The following MYOM2 variants were observed in gnomAD, a reference collection of about 807,000 sequenced individuals.
MYOM2 encodes myomesin 2.
MYOM2 carries 254 observed loss-of-function variants against 187.6 expected under a neutral mutation model. The ratio of observed to expected loss-of-function variants is 1.35; its 90% CI spans 1.22 to 1.50. MYOM2 has a LOEUF of 1.50. Among genes scored for constraint, MYOM2 ranks in the 40% most tolerant of loss-of-function variants. The pLI is 0.00. For synonymous variants in MYOM2, 981 were observed against 753.8 expected, an observed-to-expected ratio of 1.30 and a Z score of -4.94; for missense variants, 2,796 against 1,924.0, an observed-to-expected ratio of 1.45 and a Z score of -8.48.
At chr8:2,141,504 G>A (rs1798272383) in intron 34 of MYOM2, among the ~76,000 whole-genome samples, 1 of 152,348 alleles carries the variant, frequency 6.6e-6, no homozygotes, top group East Asian at 1.9e-4. Context: ...ATAAACCTGA[G>A]TGGGGCTTTT....
At position 2,092,200 on chromosome 8, in the gene MYOM2, C is replaced by G; in HGVS notation, c.1829-146C>G. The G allele has an allele frequency of 2.1e-6, 2 of 959,216 alleles. 1 individual carries two copies. Among genetic ancestry groups the G allele is most frequent in the East Asian group, 4.8e-5 (2 of 41,504 alleles). The allele number at this position is 959,216 out of a possible 1,614,324, so 59.4% of individuals were successfully genotyped here. On this transcript the variant is annotated intron_variant, in intron 15 of 36. Coordinates refer to ENST00000262113, the MANE Select transcript of MYOM2 (RefSeq NM_003970.4). ...CTCGGGTGGTCGGCCCGGGGCTCCT[C>G]TCCTACTCCTGGACCCCTTGTCTGA...
At chr8:2,099,963 A>G (rs1195328727) in intron 19 of MYOM2, among the ~76,000 whole-genome samples, 1 of 152,120 alleles carries the variant, frequency 6.6e-6, no homozygotes, top group African/African-American at 2.4e-5. Context: ...AAGCCAGATG[A>G]ATAAGCCAAT....
chr8:2,109,647 G>A (rs1167203012), intron 25 of MYOM2, 116 bp downstream of exon 25: 2 of 1,165,760 alleles, frequency 1.7e-6, no homozygotes, highest in Non-Finnish European at 1.2e-6. Flanking sequence ...GAGCCTTAAA[G>A]ATTGGGGCAT....
At chr8:2,142,126 T>A (rs1161041489) in intron 34 of MYOM2, among the ~76,000 whole-genome samples, 3 of 152,256 alleles carry the variant, frequency 2.0e-5, no homozygotes, top group East Asian at 1.9e-4. Context: ...GCTAAACTTT[T>A]CTGTGGGTTT....
intron 31 of MYOM2, chr8:2,127,791 C>CGGTGGCG (rs1462940334): frequency 1.3e-4 from 21 of 158,530 alleles, no homozygotes; most frequent in African/African-American, 1.9e-4. Flanking sequence ...CGGCGTGACG[C>CGGTGGCG]CATGACGCAG....
chr8:2,142,472 C>G (rs1188917370), intron 35 of MYOM2, 75 bp downstream of exon 35: 3 of 1,453,068 alleles, frequency 2.1e-6, no homozygotes, highest in Admixed American at 1.7e-5. Context: ...TTTTGGAGGA[C>G]CAACTTTGTG....
intron 32 of MYOM2, among the ~76,000 whole-genome samples, chr8:2,138,454 T>G (rs1424850587): frequency 6.6e-6 from 1 of 152,200 alleles, no homozygotes; most frequent in African/African-American, 2.4e-5. Context: ...ACTGAGAGAT[T>G]CCTGAAGGAT....
chr8:2,113,458 A>C (rs1416438992), intron 25 of MYOM2, among the ~76,000 whole-genome samples: 1 of 152,172 alleles, frequency 6.6e-6, no homozygotes, highest in East Asian at 1.9e-4. Context: ...TCTACCCCAG[A>C]TGCTGCCTGG....
In MYOM2 at chr8:2,117,938, C is replaced by T. The variant is rs138045217; in HGVS notation, c.3439C>T (p.Arg1147Ter). The change falls in exon 28 of 37, where the codon CGA (arginine) becomes TGA (stop). Residue 1147 changes from arginine (R) to a stop codon, truncating the protein, a stop_gained. Transcript: ENST00000262113. LOFTEE classifies it high-confidence loss of function. ...HWDVTEECEV[R>*]LVCKVANTKK... is the part of the protein sequence containing the mutation. Reference sequence around the variant, plus strand: ...GGATGTCACGGAAGAATGTGAAGTTCGACTTGTTTGCAAGGTGAGAAACCC... The same window carrying T: ...GGATGTCACGGAAGAATGTGAAGTTTGACTTGTTTGCAAGGTGAGAAACCC... 2.2e-5 allele frequency: 35 copies of T among 1,612,690 alleles called. No individual in the cohort carries two copies. Among genetic ancestry groups the T allele is most frequent in the African/African-American group, 6.7e-5 (5 of 74,778 alleles).
chr8:2,048,778 ATTTTTTATTTTTATTTTAT>A (rs1193135269), intron 1 of MYOM2, among the ~76,000 whole-genome samples: 3 of 128,730 alleles, frequency 2.3e-5, no homozygotes, highest in East Asian at 2.4e-4. Context: ...TATTTATTTT[ATTTTTTATTTTTATTTTAT>A]TTTTTTTTTT....
chr8:2,139,036 C>A lies in MYOM2; in HGVS notation c.3801-1687C>A, dbSNP rs1421338230. Among the ~76,000 whole-genome samples the A allele has an allele frequency of 2.1e-4, 29 of 136,796 alleles. 1 individual carries two copies. Among genetic ancestry groups the A allele is most frequent in the Admixed American group, 1.5e-4 (2 of 13,680 alleles). The allele number at this position is 136,796 out of a possible 152,430, so 89.7% of individuals were successfully genotyped here. On this transcript the variant is annotated intron_variant, in intron 32 of 36. Transcript: ENST00000262113. ...AGAGACCCGACACACACTGCCAGCA[C>A]CACCACCAGAGACCCGACACACACT... is the stretch of plus-strand genomic sequence containing the variant.
intron 36 of MYOM2, among the ~76,000 whole-genome samples, chr8:2,144,205 C>A (rs886847762): frequency 6.6e-6 from 1 of 152,196 alleles, no homozygotes; most frequent in African/African-American, 2.4e-5. Context: ...CATGTTTTAA[C>A]TAAGCTTCAA....
chr8:2,123,512 C>T, intron 29 of MYOM2, 43 bp from the exon 30 acceptor site: 1 of 1,543,554 alleles, frequency 6.5e-7, no homozygotes, highest in Non-Finnish European at 8.9e-7. Flanking sequence ...TCTAAGATTG[C>T]AGTATTGACT....
intron 30 of MYOM2, 85 bp downstream of exon 30, chr8:2,123,727 T>C: frequency 8.9e-7 from 1 of 1,126,982 alleles, no homozygotes; most frequent in Non-Finnish European, 1.3e-6. Context: ...GGTCTATGTC[T>C]AGCCTCAGCT....
At chr8:2,079,466 C>T (rs2129337080) in intron 12 of MYOM2, 94 bp from the exon 13 acceptor site, 1 of 1,204,464 alleles carries the variant, frequency 8.3e-7, no homozygotes, top group East Asian at 2.3e-5. Flanking sequence ...AGTCCTAATG[C>T]AGAGGAGATG....
At chr8:2,084,220 G>C (rs534814595) in intron 13 of MYOM2, among the ~76,000 whole-genome samples, 112 of 152,306 alleles carry the variant, frequency 7.4e-4, no homozygotes, top group Non-Finnish European at 1.3e-3. Context: ...GTTACCCTCT[G>C]CATTTTCCGG....
At chr8:2,088,422 G>C (rs1213520083) in intron 14 of MYOM2, among the ~76,000 whole-genome samples, 1 of 152,228 alleles carries the variant, frequency 6.6e-6, no homozygotes, top group Non-Finnish European at 1.5e-5. Flanking sequence ...TGGTTTTTCA[G>C]CCCTTGCTCT....
chr8:2,093,898 G>C lies in MYOM2; in HGVS notation c.2004-72G>C. On this transcript the variant is annotated intron_variant, in intron 16 of 36. Coordinates refer to ENST00000262113, the MANE Select transcript of MYOM2 (RefSeq NM_003970.4). ...AAATTTTTTATGGCGCGTTCAGGGT[G>C]ATTTTTGCTTCTGCTGCAGGAGAGA... 2.5e-6 allele frequency: 4 copies of C among 1,574,440 alleles called. 1 individual carries two copies. The South Asian group carries it at 4.6e-5, about 18-fold the overall frequency.
chr8:2,130,615 G>T (rs970610051), intron 32 of MYOM2, among the ~76,000 whole-genome samples: 2 of 152,224 alleles, frequency 1.3e-5, no homozygotes, highest in African/African-American at 4.8e-5. Context: ...TTGACATAGT[G>T]TGCTTTTTTC....
Sources: allele counts gnomAD v4.1 joint callset (sites outside exome capture counted in the v4.1 genomes callset), GRCh38; gene constraint gnomAD v4.1.1; transcripts MANE v1.5; gene names NCBI Gene and HGNC (gene_info 2026-07-23, HGNC 2026-07-21).